LY6G6F: variants seen among roughly 807,000 people sequenced by gnomAD.
LY6G6F encodes the protein lymphocyte antigen 6 complex locus protein G6f.
A neutral mutation model predicts 33.0 loss-of-function variants in LY6G6F; 26 were observed. The ratio of observed to expected loss-of-function variants is 0.79; its 90% CI spans 0.58 to 1.09. The LOEUF (loss-of-function observed/expected upper bound fraction) is 1.09, where lower values mean the gene tolerates loss of function less well. Ranked by LOEUF, LY6G6F falls within the 50% of genes least tolerant of loss-of-function variation. The pLI, the probability that LY6G6F is intolerant of heterozygous loss-of-function variation, is 0.00. For missense variants in LY6G6F, 317 were observed against 372.0 expected (o/e 0.85, Z 1.22); for synonymous variants, 132 against 148.1 (o/e 0.89, Z 0.79).
At position 31,710,286 on chromosome 6, in the gene LY6G6F, G is replaced by A. The variant is rs1053550662; in HGVS notation, c.803-66G>A. ...CCCCACCTCCTCTAGGGGAGGGGGC[G>A]AGGAACACGGCTCTAAGTTGTCTGC... On this transcript the variant is annotated intron_variant, in intron 4 of 5. Transcript: ENST00000375832. The surrounding 1 kb of genome is among the most constrained non-coding windows in gnomAD (Gnocchi z 4.7). 20 of 1,612,976 alleles carry A rather than the reference G, an allele frequency of 1.2e-5. No homozygotes were observed. The highest frequency in any genetic ancestry group is 2.2e-5 in the East Asian group (1 of 44,878).
chr6:31,708,128 C>A lies in LY6G6F; in HGVS notation c.640C>A (p.Leu214Met), dbSNP rs756427437. ...TCACAACAAAGGGGTCAGCTTTAGCCTGGCAGGTAAACTGAGGAAGGAGAC... is the reference window on the plus strand; with the variant it reads ...TCACAACAAAGGGGTCAGCTTTAGCATGGCAGGTAAACTGAGGAAGGAGAC... ...MTHNKGVSFS[L>M]AASIDASPAL... Residue 214 changes from leucine (L) to methionine (M), a missense_variant, in exon 3 of 6, where the codon CTG (leucine) becomes ATG (methionine). Transcript: ENST00000375832. 1.3e-6 allele frequency: 2 copies of A among 1,539,984 alleles called. No individual in the cohort carries two copies. The highest frequency in any genetic ancestry group is 4.6e-5 in the East Asian group (2 of 43,904).
In LY6G6F at chr6:31,707,713, G is replaced by C. The variant is rs138234512; in HGVS notation, c.308G>C (p.Arg103Pro). 6.2e-7 allele frequency: 1 copy of C among 1,614,164 alleles called. No individual in the cohort carries two copies. Among genetic ancestry groups the C allele is most frequent in the Non-Finnish European group, 8.5e-7 (1 of 1,180,012 alleles). Residue 103 changes from arginine (R) to proline (P), a missense_variant, in exon 2 of 6, where the codon CGG becomes CCG. Coordinates refer to ENST00000375832, the MANE Select transcript of LY6G6F (RefSeq NM_001003693.3). The surrounding 1 kb of genome is among the most constrained non-coding windows in gnomAD (Gnocchi z 4.1). ...LEGSKEEDAG[R>P]YWCAVLGQHH... ...GGATCCAAAGAGGAAGATGCCGGGC[G>C]GTACTGGTGCGCTGTGCTAGGTCAG...
In LY6G6F at chr6:31,707,670, T is replaced by A. The variant is rs775080500; in HGVS notation, c.265T>A (p.Tyr89Asn). The A allele has an allele frequency of 6.2e-7, 1 of 1,614,026 alleles. No individual in the cohort carries two copies. Among genetic ancestry groups the A allele is most frequent in the Non-Finnish European group, 8.5e-7 (1 of 1,179,942 alleles). Residue 89 changes from tyrosine to asparagine, a missense_variant, in exon 2 of 6, where the codon TAT becomes AAT. By Grantham distance (143) the Tyr-to-Asn change is moderately radical. Transcript: ENST00000375832. This position sits in a 1 kb window ranked among gnomAD's most constrained non-coding sequence, Gnocchi z 4.1. ...RESRLRLLGNYSLWLEGSKEE... is the reference protein window; with the variant it reads ...RESRLRLLGNNSLWLEGSKEE... ...ATCCAGGCTCAGACTGCTGGGGAACTATTCTTTGTGGTTGGAGGGATCCAA... is the reference window on the plus strand; with the variant it reads ...ATCCAGGCTCAGACTGCTGGGGAACAATTCTTTGTGGTTGGAGGGATCCAA...
rs147930667 is a variant in LY6G6F at position 31,708,925 on chromosome 6, T to TGAA, written c.646+791_646+792insGAA. Among the ~76,000 whole-genome samples the TGAA allele has an allele frequency of 6.5e-3, 992 of 151,540 alleles. 9 individuals carry two copies. Among genetic ancestry groups the TGAA allele is most frequent in the African/African-American group, 0.018 (741 of 41,272 alleles). The stretch of plus-strand genomic sequence containing the variant: ...TGGGCAACAAGAGCGAAGCTCTATC[T>TGAA]CAAAAAAAAAATTGTATTTTTAGTA... On this transcript the variant is annotated intron_variant, in intron 3 of 5. Coordinates refer to ENST00000375832, the MANE Select transcript of LY6G6F (RefSeq NM_001003693.3).
chr6:31,708,137 A>T lies in LY6G6F; in HGVS notation c.646+3A>T. ...AGGGGTCAGCTTTAGCCTGGCAGGT[A>T]AACTGAGGAAGGAGACGGAAAGGGA... is the stretch of plus-strand genomic sequence containing the variant. On this transcript the variant is annotated splice_donor_region_variant and intron_variant, in intron 3 of 5. Coordinates refer to ENST00000375832, the MANE Select transcript of LY6G6F (RefSeq NM_001003693.3). 2 of 1,528,440 alleles carry T rather than the reference A, an allele frequency of 1.3e-6. No homozygotes were observed. Among genetic ancestry groups the T allele is most frequent in the Non-Finnish European group, 1.8e-6 (2 of 1,137,652 alleles). The allele number at this position is 1,528,440 out of a possible 1,614,324, so 94.7% of individuals were successfully genotyped here.
chr6:31,710,375 C>A lies in LY6G6F; in HGVS notation c.826C>A (p.Pro276Thr). 3 of 1,614,154 alleles carry A rather than the reference C, an allele frequency of 1.9e-6. No individual in the cohort carries two copies. Among genetic ancestry groups the A allele is most frequent in the Non-Finnish European group, 2.5e-6 (3 of 1,180,028 alleles). Reference sequence around the variant, plus strand: ...AGATGCCTCGATTCCTCAGTTCAAACCCGAAATCCAGGTCTATGAGAACAT... The same window carrying A: ...AGATGCCTCGATTCCTCAGTTCAAAACCGAAATCCAGGTCTATGAGAACAT... ...GRDASIPQFK[P>T]EIQVYENIHL... Residue 276 changes from proline to threonine, a missense_variant, in exon 5 of 6, where the codon CCC becomes ACC. Coordinates refer to ENST00000375832, the MANE Select transcript of LY6G6F (RefSeq NM_001003693.3). This position sits in a 1 kb window ranked among gnomAD's most constrained non-coding sequence, Gnocchi z 4.7.
At position 31,710,204 on chromosome 6, in the gene LY6G6F, A is replaced by C. The variant is rs943137926; in HGVS notation, c.802+23A>C. On this transcript the variant is annotated intron_variant, in intron 4 of 5. Transcript: ENST00000375832. The surrounding 1 kb of genome is among the most constrained non-coding windows in gnomAD (Gnocchi z 4.7). ...GAGGTGAGTCCCTCCCTCCCCGGGG[A>C]AAGAAGAGGGCACATGGGTGGGAGG... 1.9e-6 allele frequency: 3 copies of C among 1,608,074 alleles called. No individual in the cohort carries two copies. Among genetic ancestry groups the C allele is most frequent in the Non-Finnish European group, 2.6e-6 (3 of 1,176,470 alleles).
chr6:31,709,259 T>G lies in LY6G6F; in HGVS notation c.647-767T>G, dbSNP rs573410326. On this transcript the variant is annotated intron_variant, in intron 3 of 5. Transcript: ENST00000375832. ...GCTAACTTTTGTGTGTGTGTGTGTG[T>G]TTTTTTTTGTTTTTTTTTTGAGACA... Among the ~76,000 whole-genome samples the G allele has an allele frequency of 1.7e-4, 24 of 142,668 alleles. 1 individual carries two copies. The highest frequency in any genetic ancestry group is 9.0e-4 in the South Asian group (4 of 4,466). The allele number at this position is 142,668 out of a possible 152,430, so 93.6% of individuals were successfully genotyped here.
Position 31,710,177 on chromosome 6 carries a change from C to T in LY6G6F, c.798C>T (p.Gly266=), listed in dbSNP as rs766973865. 1.2e-6 allele frequency: 2 copies of T among 1,610,972 alleles called. No homozygotes were observed. The highest frequency in any genetic ancestry group is 2.7e-5 in the African/African-American group (2 of 74,892). ...GGCAGAGGGTCCGTGGGGCTCCAGG[C>T]AGAGGTGAGTCCCTCCCTCCCCGGG... ...LWRQRVRGAP[G]RDASIPQFKP... is the part of the protein sequence containing the mutation. The change falls in exon 4 of 6, where the codon GGC becomes GGT. Residue 266 remains glycine, a synonymous_variant. Coordinates refer to ENST00000375832, the MANE Select transcript of LY6G6F (RefSeq NM_001003693.3). The surrounding 1 kb of genome is among the most constrained non-coding windows in gnomAD (Gnocchi z 4.7).
In LY6G6F at chr6:31,710,625, T is replaced by C. The variant is rs1805972597; in HGVS notation, c.*34T>C. 7 of 1,613,886 alleles carry C rather than the reference T, an allele frequency of 4.3e-6. No individual in the cohort carries two copies. The highest frequency in any genetic ancestry group is 1.3e-5 in the African/African-American group (1 of 75,002). Reference sequence around the variant, plus strand: ...ACATCTGCTGGGAAGTGTGACCTGCTGTCTCGCTGGCCATCTGGCACCTGG... The same window carrying C: ...ACATCTGCTGGGAAGTGTGACCTGCCGTCTCGCTGGCCATCTGGCACCTGG... On this transcript the variant is annotated 3_prime_UTR_variant, in exon 6 of 6. Transcript: ENST00000375832. The surrounding 1 kb of genome is among the most constrained non-coding windows in gnomAD (Gnocchi z 4.7).
At position 31,710,412 on chromosome 6, in the gene LY6G6F, G is replaced by A. The variant is rs895730755; in HGVS notation, c.863G>A (p.Arg288His). The A allele has an allele frequency of 1.4e-5, 22 of 1,614,060 alleles. No individual in the cohort carries two copies. In the East Asian group the frequency reaches 2.7e-4, roughly 20 times the overall value. ...IQVYENIHLA[R>H]LGPPAHKPR ...GTCTATGAGAACATCCATTTGGCCCGTCTTGGGTGAGGAACAGCTAGGGAA... is the reference window on the plus strand; with the variant it reads ...GTCTATGAGAACATCCATTTGGCCCATCTTGGGTGAGGAACAGCTAGGGAA... The change falls in exon 5 of 6, where the codon CGT becomes CAT. Residue 288 changes from arginine to histidine, a missense_variant. Physicochemically the swap from Arg to His is conservative, Grantham distance 29 (BLOSUM62 0). Transcript: ENST00000375832. The surrounding 1 kb of genome is among the most constrained non-coding windows in gnomAD (Gnocchi z 4.7).
intron 3 of LY6G6F, 22 bp downstream of exon 3, chr6:31,708,156 A>G (rs748220492): frequency 6.6e-7 from 1 of 1,516,848 alleles, no homozygotes; most frequent in Non-Finnish European, 8.8e-7. Context: ...AAGGAGACGG[A>G]AAGGGATGTT....
At chr6:31,709,473 T>G in intron 3 of LY6G6F, among the ~76,000 whole-genome samples, 1 of 152,094 alleles carries the variant, frequency 6.6e-6, no homozygotes, top group East Asian at 1.9e-4. Context: ...TTGGCCAGGA[T>G]AGTCTCAATC....
At chr6:31,708,349 C>T (rs1805775447) in intron 3 of LY6G6F, among the ~76,000 whole-genome samples, 1 of 152,046 alleles carries the variant, frequency 6.6e-6, no homozygotes, top group African/African-American at 2.4e-5. Flanking sequence ...GCATGAGCCA[C>T]CGCACCTTTA....
At chr6:31,708,765 A>G (rs941438100) in intron 3 of LY6G6F, among the ~76,000 whole-genome samples, 2 of 152,094 alleles carry the variant, frequency 1.3e-5, no homozygotes, top group African/African-American at 2.4e-5. Context: ...TGTCTCTACT[A>G]AAAATACAAA....
Position 31,706,974 on chromosome 6 carries a change from T to A in LY6G6F, c.52+16T>A. On this transcript the variant is annotated intron_variant, in intron 1 of 5. Coordinates refer to ENST00000375832, the MANE Select transcript of LY6G6F (RefSeq NM_001003693.3). ...CAGGCTGCAGGTAAGGGGCAAGAGG[T>A]ACGGGATTCCTTAGCTATTTGCAAG... 6.2e-7 allele frequency: 1 copy of A among 1,613,446 alleles called. No individual in the cohort carries two copies. Among genetic ancestry groups the A allele is most frequent in the Non-Finnish European group, 8.5e-7 (1 of 1,179,476 alleles).
At chr6:31,708,826 T>G (rs2151277133) in intron 3 of LY6G6F, among the ~76,000 whole-genome samples, 1 of 152,036 alleles carries the variant, frequency 6.6e-6, no homozygotes, top group East Asian at 1.9e-4. Context: ...CTCGGGAGGC[T>G]GAGGCAGGAG....
At chr6:31,708,657 T>C (rs1012334432) in intron 3 of LY6G6F, among the ~76,000 whole-genome samples, 1 of 152,140 alleles carries the variant, frequency 6.6e-6, no homozygotes, top group Non-Finnish European at 1.5e-5. Flanking sequence ...CCAGGCATGG[T>C]AGCTCAATCC....
intron 3 of LY6G6F, among the ~76,000 whole-genome samples, chr6:31,709,794 G>T: frequency 6.6e-6 from 1 of 152,312 alleles, no homozygotes; most frequent in South Asian, 2.1e-4. Context: ...GCCTCCTAAT[G>T]TGCTGGAATT....
Sources: allele counts gnomAD v4.1 joint callset (sites outside exome capture counted in the v4.1 genomes callset), GRCh38; gene constraint gnomAD v4.1.1; non-coding constraint Gnocchi (gnomAD v3.1); transcripts MANE v1.5; gene names NCBI Gene and HGNC (gene_info 2026-07-23, HGNC 2026-07-21).